The following ITGA4 variants were observed in gnomAD, a reference collection of about 807,000 sequenced individuals.
ITGA4 encodes integrin subunit alpha 4, also known as integrin alpha-4.
Under a neutral mutation model 133.6 loss-of-function variants are expected in ITGA4, and 63 were observed. That is an observed-to-expected ratio of 0.47 (90% CI 0.38 to 0.58). ITGA4 has a LOEUF of 0.58. ITGA4 is among the 20% of genes least tolerant of loss of function. The pLI, the probability that ITGA4 is intolerant of heterozygous loss-of-function variation, is 0.00. For missense variants in ITGA4, 1,076 were observed against 1,252.7 expected, an observed-to-expected ratio of 0.86 and a Z score of 2.13; for synonymous variants, 483 against 438.0, an observed-to-expected ratio of 1.10 and a Z score of -1.28.
chr2:181,488,151 T>A (rs936980596), intron 10 of ITGA4, among the ~76,000 whole-genome samples: 3 of 152,222 alleles, frequency 2.0e-5, no homozygotes, highest in Non-Finnish European at 2.9e-5. Context: ...GTAAAACTGT[T>A]GTGAGCATAG....
chr2:181,471,128 G>T (rs1685539907), intron 2 of ITGA4, among the ~76,000 whole-genome samples: 1 of 152,108 alleles, frequency 6.6e-6, no homozygotes, highest in African/African-American at 2.4e-5. Context: ...AAGAATGATT[G>T]TTTCATGACT....
chr2:181,517,242 A>G (rs11891794), intron 17 of ITGA4, among the ~76,000 whole-genome samples: 148,730 of 152,158 alleles, frequency 0.98, 72,797 homozygotes, highest in Middle Eastern at 1. Flanking sequence ...ATCAGTTTAC[A>G]TTATATTTTA....
chr2:181,471,288 C>T (rs980943834), intron 2 of ITGA4, among the ~76,000 whole-genome samples: 4 of 152,058 alleles, frequency 2.6e-5, no homozygotes, highest in Admixed American at 2.6e-4. Flanking sequence ...TTTCAGCACC[C>T]ATTTCTGGGC....
At chr2:181,457,325 G>A (rs201576247), upstream of ITGA4, 4 of 266,028 alleles carry the variant, frequency 1.5e-5, no homozygotes, top group Non-Finnish European at 2.9e-5. Context: ...AGGCAGAGAC[G>A]GAGCCCGGCC....
At chr2:181,459,903 CTG>C (rs1358993487) in intron 2 of ITGA4, among the ~76,000 whole-genome samples, 1 of 152,208 alleles carries the variant, frequency 6.6e-6, no homozygotes, top group South Asian at 2.1e-4. Flanking sequence ...TTCTGGATGT[CTG>C]TGTTTAACTG....
At chr2:181,483,038 TACTAGG>T (rs974337995) in intron 9 of ITGA4, among the ~76,000 whole-genome samples, 8 of 152,304 alleles carry the variant, frequency 5.3e-5, no homozygotes, top group African/African-American at 1.9e-4. Context: ...TATAAAATAT[TACTAGG>T]ACTAGAAGAT....
chr2:181,528,697 C>G (rs942140122), intron 22 of ITGA4, among the ~76,000 whole-genome samples: 1 of 152,308 alleles, frequency 6.6e-6, no homozygotes, highest in East Asian at 1.9e-4. Context: ...AATTTGGAGA[C>G]ACTTTCTTCA....
Position 181,534,959 on chromosome 2 carries a change from A to G in ITGA4, c.3003+24A>G, listed in dbSNP as rs943545923. 6 of 1,533,260 alleles carry G rather than the reference A, an allele frequency of 3.9e-6. No individual in the cohort carries two copies. The African/African-American group carries it at 5.7e-5, about 14-fold the overall frequency. 95.0% of individuals were successfully genotyped at this position (1,533,260 alleles called of 1,614,324 possible). Reference sequence around the variant, plus strand: ...AGGTAAGCATTTAACAATTACCAACATTAGTCTACTAAAAATGACATTTTC... The same window carrying G: ...AGGTAAGCATTTAACAATTACCAACGTTAGTCTACTAAAAATGACATTTTC... On this transcript the variant is annotated intron_variant, in intron 27 of 27. Coordinates refer to ENST00000397033, the MANE Select transcript of ITGA4 (RefSeq NM_000885.6).
At position 181,535,757 on chromosome 2, in the gene ITGA4, G is replaced by C. The variant is rs1687057569; in HGVS notation, c.*230G>C. The C allele has an allele frequency of 2.7e-6, 1 of 376,688 alleles. No individual in the cohort carries two copies. The highest frequency in any genetic ancestry group is 4.7e-6 in the Non-Finnish European group (1 of 213,100). 23.3% of individuals were successfully genotyped at this position (376,688 alleles called of 1,614,324 possible). A position where few individuals can be genotyped will look rare whatever the true frequency, so the allele number is the denominator to read the frequency against. ...AAAGATAATCTCTCAGCTTTTAAAT[G>C]GGTAGAGAAACACTAAAGCATTCAA... is the stretch of plus-strand genomic sequence containing the variant. On this transcript the variant is annotated 3_prime_UTR_variant, in exon 28 of 28. Coordinates refer to ENST00000397033, the MANE Select transcript of ITGA4 (RefSeq NM_000885.6).
chr2:181,476,012 A>G, intron 4 of ITGA4: 1 of 1,083,902 alleles, frequency 9.2e-7, no homozygotes, highest in Non-Finnish European at 1.2e-6. Context: ...CTCAGCACGC[A>G]AAGAAAAATT....
intron 11 of ITGA4, among the ~76,000 whole-genome samples, chr2:181,494,019 A>G (rs1274248197): frequency 6.6e-6 from 1 of 152,240 alleles, no homozygotes; most frequent in Non-Finnish European, 1.5e-5. Flanking sequence ...ATTTTTGATT[A>G]GAAAAATGAG....
At chr2:181,492,748 C>G (rs1254418648) in intron 10 of ITGA4, among the ~76,000 whole-genome samples, 1 of 152,114 alleles carries the variant, frequency 6.6e-6, no homozygotes, top group African/African-American at 2.4e-5. Flanking sequence ...TCCTGTGTGT[C>G]TGTGTGTGCA....
At chr2:181,527,934 G>A (rs879451118) in intron 22 of ITGA4, among the ~76,000 whole-genome samples, 2 of 152,060 alleles carry the variant, frequency 1.3e-5, no homozygotes, top group Admixed American at 6.6e-5. Flanking sequence ...GAAGTATTAG[G>A]AGACTGATGT....
At chr2:181,499,144 G>A (rs1472507222) in intron 15 of ITGA4, among the ~76,000 whole-genome samples, 5 of 152,098 alleles carry the variant, frequency 3.3e-5, no homozygotes, top group Non-Finnish European at 1.5e-5. Flanking sequence ...GGTGGGTCAG[G>A]GGAGGCAGGG....
intron 26 of ITGA4, 46 bp from the exon 27 acceptor site, chr2:181,534,770 A>AT (rs5836796): frequency 0.077 from 91,610 of 1,187,446 alleles, 560 homozygotes; most frequent in African/African-American, 0.17. Flanking sequence ...TTTTAAACTG[A>AT]TTTTTTTTTT....
intron 2 of ITGA4, among the ~76,000 whole-genome samples, chr2:181,465,831 G>A (rs1685398129): frequency 6.6e-6 from 1 of 152,142 alleles, no homozygotes; most frequent in East Asian, 1.9e-4. Flanking sequence ...TACAAGTGGT[G>A]TGACCTTGGG....
At position 181,538,180 on chromosome 2, in the gene ITGA4, C is replaced by CAT; in HGVS notation, c.*2654_*2655dup. ...TGTACATTTCTTTTAGAAACAATTA[C>CAT]ATGTTACTTTGGAATCATTTCTTCC... On this transcript the variant is annotated 3_prime_UTR_variant, in exon 28 of 28. Coordinates refer to ENST00000397033, the MANE Select transcript of ITGA4 (RefSeq NM_000885.6). The CAT allele has an allele frequency of 6.5e-7, 1 of 1,546,566 alleles. No homozygotes were observed. Among genetic ancestry groups the CAT allele is most frequent in the Middle Eastern group, 2.1e-4 (1 of 4,796 alleles).
At chr2:181,508,389 C>A (rs1686436389) in intron 15 of ITGA4, among the ~76,000 whole-genome samples, 1 of 151,318 alleles carries the variant, frequency 6.6e-6, no homozygotes, top group African/African-American at 2.4e-5. Flanking sequence ...TATAAAAGCA[C>A]AATAAACTTA....
At chr2:181,501,864 CATCTT>C (rs1262849057) in intron 15 of ITGA4, among the ~76,000 whole-genome samples, 4 of 152,076 alleles carry the variant, frequency 2.6e-5, no homozygotes, top group East Asian at 1.9e-4. Flanking sequence ...TGTACATACT[CATCTT>C]GAGTTGAGGA....
Sources: allele counts gnomAD v4.1 joint callset (sites outside exome capture counted in the v4.1 genomes callset), GRCh38; gene constraint gnomAD v4.1.1; transcripts MANE v1.5; gene names NCBI Gene and HGNC (gene_info 2026-07-23, HGNC 2026-07-21).